Variants in CHUK observed in about 807,000 individuals in gnomAD.
The protein encoded by CHUK is inhibitor of nuclear factor kappa-B kinase subunit alpha.
A neutral mutation model predicts 104.8 loss-of-function variants in CHUK; 35 were observed. The observed-to-expected ratio is 0.33, with a 90% CI of 0.26 to 0.44. The LOEUF is 0.44. Ranked by LOEUF, CHUK falls within the 20% of genes least tolerant of loss-of-function variation. The probability of loss-of-function intolerance (pLI) is 1.00; values close to 1 mark genes in which losing one functional copy is unlikely to be tolerated. For missense variants in CHUK, 663 were observed against 902.7 expected (o/e 0.73, Z 3.40); for synonymous variants, 276 against 291.9 (o/e 0.95, Z 0.56).
intron 18 of CHUK, 41 bp from the exon 19 acceptor site, chr10:100,193,472 C>T: frequency 6.2e-7 from 1 of 1,611,842 alleles, no homozygotes; most frequent in Non-Finnish European, 8.5e-7. Flanking sequence ...TACAGGCAAG[C>T]ATCTCTGTTG....
At chr10:100,202,661 G>T (rs1053124914) in intron 13 of CHUK, among the ~76,000 whole-genome samples, 7 of 152,120 alleles carry the variant, frequency 4.6e-5, no homozygotes, top group African/African-American at 7.2e-5. Context: ...CAGTTTATGG[G>T]ATTTTGTTAT....
chr10:100,222,274 C>T, intron 3 of CHUK, 93 bp from the exon 4 acceptor site: 1 of 701,464 alleles, frequency 1.4e-6, no homozygotes, highest in Non-Finnish European at 2.5e-6. Context: ...AAAGAATATT[C>T]AAATGAGAAA....
At chr10:100,224,077 C>T (rs1304764058) in intron 2 of CHUK, among the ~76,000 whole-genome samples, 2 of 140,000 alleles carry the variant, frequency 1.4e-5, no homozygotes, top group Non-Finnish European at 1.5e-5. Flanking sequence ...TCATCTTGCT[C>T]GCTCGTTCAC....
intron 2 of CHUK, 45 bp from the exon 3 acceptor site, chr10:100,223,025 T>C (rs749531973): frequency 4.1e-6 from 4 of 982,120 alleles, no homozygotes; most frequent in South Asian, 3.9e-5. Flanking sequence ...TTATTTCCAA[T>C]AAAAAGGGAC....
chr10:100,194,079 C>T lies in CHUK; in HGVS notation c.1879G>A (p.Val627Met). 6.2e-7 allele frequency: 1 copy of T among 1,613,802 alleles called. No individual in the cohort carries two copies. The highest frequency in any genetic ancestry group is 1.7e-5 in the Admixed American group (1 of 60,008). ...GCTTCTTTGATATTACTGAGGGCCA[C>T]TTCCACCTTAGGGAGTAGATCAATA... ...KIIDLLPKVE[V>M]ALSNIKEADN... Residue 627 changes from valine to methionine, a missense_variant, in exon 18 of 21, where the codon GTG (valine) becomes ATG (methionine). By Grantham distance (21) the Val-to-Met change is conservative. Around this residue, in one of 5 missense-constraint regions of CHUK, gnomAD observed 311 missense variants for 393.4 expected, o/e 0.79. Coordinates refer to ENST00000370397, the MANE Select transcript of CHUK (RefSeq NM_001278.5).
intron 9 of CHUK, among the ~76,000 whole-genome samples, chr10:100,212,621 T>C (rs12269373): frequency 0.51 from 77,924 of 152,118 alleles, 20,801 homozygotes; most frequent in African/African-American, 0.65. Flanking sequence ...TTGATTATTT[T>C]TTCTACTGTA....
In CHUK at chr10:100,200,800, CA is replaced by C; in HGVS notation, c.1570-21del. 1 of 1,351,184 alleles carries C rather than the reference CA, an allele frequency of 7.4e-7. No homozygotes were observed. The highest frequency in any genetic ancestry group is 1.1e-6 in the Non-Finnish European group (1 of 941,542). The allele number at this position is 1,351,184 out of a possible 1,614,324, so 83.7% of individuals were successfully genotyped here. ...ACCAACCTAAAATATGATGAAAATA[CA>C]AAGGAAATGAAAGGCTTACCACTAC... On this transcript the variant is annotated intron_variant, in intron 14 of 20. Coordinates refer to ENST00000370397, the MANE Select transcript of CHUK (RefSeq NM_001278.5).
At chr10:100,192,214 G>A (rs957787148) in intron 19 of CHUK, among the ~76,000 whole-genome samples, 4 of 152,182 alleles carry the variant, frequency 2.6e-5, no homozygotes, top group Non-Finnish European at 5.9e-5. Context: ...GAAATTACCT[G>A]TATTGTGGTG....
chr10:100,219,057 A>C lies in CHUK; in HGVS notation c.640T>G (p.Cys214Gly). The C allele has an allele frequency of 6.2e-7, 1 of 1,613,960 alleles. No homozygotes were observed. The highest frequency in any genetic ancestry group is 8.5e-7 in the Non-Finnish European group (1 of 1,179,828). Residue 214 changes from cysteine to glycine, a missense_variant, in exon 7 of 21, where the codon TGT (cysteine) becomes GGT (glycine). This residue lies in a region of CHUK where 200 missense variants were observed against 333.0 expected (regional missense o/e 0.60). Transcript: ENST00000370397. ...AAAAAAGGCCTATATCCAGCAATAC[A>C]TTCAAATACCATGGTCCCAAAGCTC... ...YWSFGTMVFECIAGYRPFLHH... is the reference protein window; with the variant it reads ...YWSFGTMVFEGIAGYRPFLHH...
chr10:100,225,905 G>A lies in CHUK; in HGVS notation c.200+18C>T. On this transcript the variant is annotated intron_variant, in intron 2 of 20. Coordinates refer to ENST00000370397, the MANE Select transcript of CHUK (RefSeq NM_001278.5). ...GGGCTGTAGAACCAGGGAAATGTAA[G>A]TCAAGGAATACACTTACTTCTTCAT... 6.9e-7 allele frequency: 1 copy of A among 1,454,938 alleles called. No individual in the cohort carries two copies. Among genetic ancestry groups the A allele is most frequent in the East Asian group, 2.3e-5 (1 of 44,062 alleles). 90.1% of individuals were successfully genotyped at this position (1,454,938 alleles called of 1,614,324 possible).
intron 20 of CHUK, chr10:100,190,056 C>G (rs1486226636): frequency 6.2e-6 from 1 of 160,302 alleles, no homozygotes; most frequent in Non-Finnish European, 1.3e-5. Flanking sequence ...CAAAGTCTCA[C>G]TCTGTCACAG....
chr10:100,198,032 CT>C (rs1346427980), intron 16 of CHUK, among the ~76,000 whole-genome samples: 5 of 152,160 alleles, frequency 3.3e-5, no homozygotes, highest in Admixed American at 3.3e-4. Flanking sequence ...TTCTAAAATT[CT>C]TTTTGCTTGA....
At chr10:100,191,944 C>T (rs1845215636) in intron 19 of CHUK, among the ~76,000 whole-genome samples, 1 of 152,152 alleles carries the variant, frequency 6.6e-6, no homozygotes, top group Admixed American at 6.5e-5. Context: ...CATGGTGAAA[C>T]TCCGTCTTTA....
Position 100,225,990 on chromosome 10 carries a change from A to G in CHUK, c.133T>C (p.Ser45Pro). 6.2e-7 allele frequency: 1 copy of G among 1,607,318 alleles called. No homozygotes were observed. Among genetic ancestry groups the G allele is most frequent in the Non-Finnish European group, 8.5e-7 (1 of 1,173,924 alleles). The change falls in exon 2 of 21, where the codon TCT becomes CCT. Residue 45 changes from serine to proline, a missense_variant. By Grantham distance (74) the Ser-to-Pro change is moderately conservative (BLOSUM62 -1). Around this residue, in one of 5 missense-constraint regions of CHUK, gnomAD observed 200 missense variants for 333.0 expected, o/e 0.60. Transcript: ENST00000370397. ...TTGGTACTTAGCTCTAGGCGACAAG[A>G]CTTAATTGCTATTTTGAGATCAAGT... ...RELDLKIAIKSCRLELSTKNR... is the reference protein window; with the variant it reads ...RELDLKIAIKPCRLELSTKNR...
rs1223790692 is a variant in CHUK at position 100,218,044 on chromosome 10, A to C, written c.884T>G (p.Leu295Trp). The change falls in exon 9 of 21, where the codon TTG (leucine) becomes TGG (tryptophan). Residue 295 changes from leucine (L) to tryptophan (W), a missense_variant. Transcript: ENST00000370397. ...TAATACAAAACATCTTGGCTGCTTC[A>C]AAGTAAGGTCAACAGGTCCTCCTCT... Reference protein sequence around the residue: ...QQRGGPVDLTLKQPRCFVLMD... With the variant: ...QQRGGPVDLTWKQPRCFVLMD... 1 of 1,614,082 alleles carries C rather than the reference A, an allele frequency of 6.2e-7. No homozygotes were observed. The highest frequency in any genetic ancestry group is 1.1e-5 in the South Asian group (1 of 91,070).
chr10:100,206,054 C>T lies in CHUK; in HGVS notation c.1232-855G>A, dbSNP rs116438160. Among the ~76,000 whole-genome samples, 420 of 152,170 alleles carry T rather than the reference C, an allele frequency of 2.8e-3. 2 individuals carry two copies. The highest frequency in any genetic ancestry group is 9.8e-3 in the African/African-American group (407 of 41,514). On this transcript the variant is annotated intron_variant, in intron 11 of 20. Coordinates refer to ENST00000370397, the MANE Select transcript of CHUK (RefSeq NM_001278.5). ...AAAACAAGGACTATTTGAAGTCTGACAAAATGTCACAGCAAAGAGGAGCTA... is the reference window on the plus strand; with the variant it reads ...AAAACAAGGACTATTTGAAGTCTGATAAAATGTCACAGCAAAGAGGAGCTA...
intron 9 of CHUK, among the ~76,000 whole-genome samples, chr10:100,217,286 T>C (rs1396675663): frequency 2.0e-5 from 3 of 151,674 alleles, no homozygotes; most frequent in African/African-American, 4.8e-5. Context: ...TGTTAGTTTC[T>C]TGGGCAGAAG....
chr10:100,219,678 A>G (rs1845942265), intron 5 of CHUK, among the ~76,000 whole-genome samples: 2 of 152,188 alleles, frequency 1.3e-5, no homozygotes, highest in African/African-American at 4.8e-5. Context: ...CAGGTGGGCT[A>G]TTAATTTTTA....
At chr10:100,187,538 A>G (rs768327087), downstream of CHUK, 13 of 152,210 alleles carry the variant, frequency 8.5e-5, no homozygotes, top group Non-Finnish European at 1.8e-4. Flanking sequence ...TTTTCTGTAG[A>G]CATTCTCTGA....
Sources: allele counts gnomAD v4.1 joint callset (sites outside exome capture counted in the v4.1 genomes callset), GRCh38; gene constraint gnomAD v4.1.1; regional missense constraint gnomAD v4.1.1; transcripts MANE v1.5; gene names NCBI Gene and HGNC (gene_info 2026-07-23, HGNC 2026-07-21).